The following SUGP2 variants were observed in gnomAD, a reference collection of about 807,000 sequenced individuals.
SUGP2 encodes the protein SURP and G-patch domain-containing protein 2.
A neutral mutation model predicts 90.5 loss-of-function variants in SUGP2; 24 were observed. The ratio of observed to expected loss-of-function variants is 0.27; its 90% confidence interval spans 0.19 to 0.37. SUGP2 has a LOEUF of 0.37. Ranked by LOEUF, SUGP2 falls within the 10% of genes least tolerant of loss-of-function variation. The pLI is 1.00. For missense variants in SUGP2, 1,233 were observed against 1,363.3 expected, an observed-to-expected ratio of 0.90 and a Z score of 1.51; for synonymous variants, 473 against 513.4, an observed-to-expected ratio of 0.92 and a Z score of 1.06.
intron 2 of SUGP2, among the ~76,000 whole-genome samples, chr19:19,030,229 C>T (rs567414728): frequency 1.3e-5 from 2 of 152,248 alleles, no homozygotes; most frequent in African/African-American, 4.8e-5. Flanking sequence ...GTGGCTCATG[C>T]CTGTAATCCC....
intron 7 of SUGP2, among the ~76,000 whole-genome samples, chr19:19,002,128 C>A (rs1055027995): frequency 6.6e-6 from 1 of 152,142 alleles, no homozygotes; most frequent in African/African-American, 2.4e-5. Context: ...GCCTGTAATC[C>A]CATCACTTTG....
intron 3 of SUGP2, among the ~76,000 whole-genome samples, chr19:19,019,670 G>C (rs1012256874): frequency 1.3e-5 from 2 of 151,460 alleles, no homozygotes; most frequent in Admixed American, 6.6e-5. Flanking sequence ...TGGATACATA[G>C]AAAGAAGACT....
chr19:19,021,754 C>G (rs1018026212), intron 3 of SUGP2, among the ~76,000 whole-genome samples: 1 of 151,744 alleles, frequency 6.6e-6, no homozygotes, highest in South Asian at 2.1e-4. Flanking sequence ...GCAACCTCCA[C>G]TTCCCAAGTT....
intron 1 of SUGP2, among the ~76,000 whole-genome samples, chr19:19,031,824 C>CTT (rs374873309): frequency 0.041 from 5,703 of 138,040 alleles, 111 homozygotes; most frequent in African/African-American, 0.049. Context: ...TTTTATTTAT[C>CTT]TTTTTTTTTT....
intron 8 of SUGP2, among the ~76,000 whole-genome samples, chr19:19,000,287 G>A (rs1046183526): frequency 6.6e-6 from 1 of 152,234 alleles, no homozygotes; most frequent in Admixed American, 6.5e-5. Context: ...ATCTGCAAGA[G>A]AGACCTCCCT....
chr19:19,011,305 G>T (rs774927784), intron 4 of SUGP2, among the ~76,000 whole-genome samples: 1 of 151,384 alleles, frequency 6.6e-6, no homozygotes, highest in Admixed American at 6.6e-5. Flanking sequence ...GCACCACCAC[G>T]CCTGGCTAAT....
intron 4 of SUGP2, among the ~76,000 whole-genome samples, chr19:19,012,460 C>T (rs2058344756): frequency 6.6e-6 from 1 of 152,194 alleles, no homozygotes; most frequent in Non-Finnish European, 1.5e-5. Context: ...ATGCATCTCC[C>T]AAGTTCCAGT....
intron 4 of SUGP2, among the ~76,000 whole-genome samples, chr19:19,017,892 G>A (rs1202526293): frequency 6.6e-6 from 1 of 151,446 alleles, no homozygotes; most frequent in Non-Finnish European, 1.5e-5. Flanking sequence ...CTGCCAGAAA[G>A]GTAGGCAGAA....
rs551361656 is a variant in SUGP2, at chr19:19,002,002, T to C, written c.2930-328A>G. Among the ~76,000 whole-genome samples the C allele has an allele frequency of 5.3e-5, 8 of 152,346 alleles. No homozygotes were observed. The South Asian group carries it at 1.7e-3, about 32-fold the overall frequency. On this transcript the variant is annotated intron_variant, in intron 7 of 10. Transcript: ENST00000452918. ...GATCCAATACATGGATTATTTTCCATGACTACAGAAATATATTTTGCTTCA... is the reference window on the plus strand; with the variant it reads ...GATCCAATACATGGATTATTTTCCACGACTACAGAAATATATTTTGCTTCA...
At position 19,025,419 on chromosome 19, in the gene SUGP2, G is replaced by A. The variant is rs199562381; in HGVS notation, c.929C>T (p.Pro310Leu). The change falls in exon 3 of 11, where the codon CCC becomes CTC. Residue 310 changes from proline to leucine, a missense_variant. By Grantham distance (98) the Pro-to-Leu change is moderately conservative. Coordinates refer to ENST00000452918, the MANE Select transcript of SUGP2 (RefSeq NM_001017392.5). ...GATGTCAAAGCTCATCTTTCTTCTGGGGAGCCGAAGATTCTTCAGATCCAG... is the reference window on the plus strand; with the variant it reads ...GATGTCAAAGCTCATCTTTCTTCTGAGGAGCCGAAGATTCTTCAGATCCAG... Reference protein sequence around the residue: ...LGLDLKNLRLPRRKMSFDIID... With the variant: ...LGLDLKNLRLLRRKMSFDIID... The A allele has an allele frequency of 8.7e-6, 14 of 1,614,046 alleles. No individual in the cohort carries two copies. Among genetic ancestry groups the A allele is most frequent in the Middle Eastern group, 1.6e-4 (1 of 6,062 alleles).
intron 3 of SUGP2, 85 bp downstream of exon 3, chr19:19,024,534 C>T (rs930990186): frequency 6.8e-7 from 1 of 1,471,436 alleles, no homozygotes; most frequent in Non-Finnish European, 9.1e-7. Flanking sequence ...GGCTAAAGAA[C>T]TTCTGTGTAA....
intron 3 of SUGP2, among the ~76,000 whole-genome samples, chr19:19,022,918 G>A (rs982567759): frequency 6.6e-6 from 1 of 152,160 alleles, no homozygotes; most frequent in African/African-American, 2.4e-5. Context: ...AAACCACATC[G>A]TGGGAAAAGT....
chr19:18,999,267 CCA>C (rs752330466), intron 8 of SUGP2, among the ~76,000 whole-genome samples: 9 of 152,248 alleles, frequency 5.9e-5, no homozygotes, highest in East Asian at 1.9e-4. Context: ...TCCCTTCCAC[CCA>C]CAGTCACTGG....
Position 19,026,168 on chromosome 19 carries a change from A to C in SUGP2, c.180T>G (p.Asp60Glu). The C allele has an allele frequency of 6.2e-7, 1 of 1,613,606 alleles. No homozygotes were observed. The highest frequency in any genetic ancestry group is 8.5e-7 in the Non-Finnish European group (1 of 1,179,904). Residue 60 changes from aspartate (D) to glutamate (E), a missense_variant, in exon 3 of 11, where the codon GAT (aspartate) becomes GAG (glutamate). Asp to Glu is a conservative substitution (Grantham distance 45). Around this residue, in one of 8 missense-constraint regions of SUGP2, gnomAD observed 418 missense variants for 399.9 expected, o/e 1.05. Coordinates refer to ENST00000452918, the MANE Select transcript of SUGP2 (RefSeq NM_001017392.5). ...RAEMYDDVHS[D>E]GRYSLSGSVA... is the part of the protein sequence containing the mutation. ...CAGATCCACTGAGGGAGTATCTGCC[A>C]TCGCTGTGGACGTCATCATACATCT...
intron 8 of SUGP2, among the ~76,000 whole-genome samples, chr19:18,996,476 C>T (rs1299777323): frequency 6.6e-6 from 1 of 151,974 alleles, no homozygotes; most frequent in Non-Finnish European, 1.5e-5. Flanking sequence ...GTCTCGGATT[C>T]CCGGCTTTAA....
rs1416658817 is a variant in SUGP2, at chr19:19,031,073, T to C, written c.-2A>G. ...CTGTGTAATTCGTCTGGCTGCCATGTTATTTTGCCCTATGGTGAGAGAGAA... is the reference window on the plus strand; with the variant it reads ...CTGTGTAATTCGTCTGGCTGCCATGCTATTTTGCCCTATGGTGAGAGAGAA... On this transcript the variant is annotated 5_prime_UTR_variant, in exon 2 of 11. Transcript: ENST00000452918. The C allele has an allele frequency of 6.2e-7, 1 of 1,612,030 alleles. No homozygotes were observed. Among genetic ancestry groups the C allele is most frequent in the South Asian group, 1.1e-5 (1 of 90,610 alleles).
At chr19:19,009,178 G>A (rs2058205494) in intron 5 of SUGP2, among the ~76,000 whole-genome samples, 1 of 152,198 alleles carries the variant, frequency 6.6e-6, no homozygotes. Flanking sequence ...CTCCCAAAGT[G>A]CTGGGATTAC....
At chr19:18,994,784 A>G in intron 9 of SUGP2, 1 of 527,694 alleles carries the variant, frequency 1.9e-6, no homozygotes, top group South Asian at 2.2e-5. Flanking sequence ...GGGGTTTAAT[A>G]AACTTTGGGC....
Position 19,008,305 on chromosome 19 carries a change from G to T in SUGP2, c.2450+12C>A, listed in dbSNP as rs190164285. The T allele has an allele frequency of 1.9e-5, 31 of 1,600,452 alleles. No individual in the cohort carries two copies. The highest frequency in any genetic ancestry group is 2.5e-5 in the Non-Finnish European group (29 of 1,167,680). On this transcript the variant is annotated intron_variant, in intron 6 of 10. Coordinates refer to ENST00000452918, the MANE Select transcript of SUGP2 (RefSeq NM_001017392.5). Reference sequence around the variant, plus strand: ...AAGAAAAAGGTGTGATGAGACCCGGGGGGGTACGTACCACAGGTCAGGGTT... The same window carrying T: ...AAGAAAAAGGTGTGATGAGACCCGGTGGGGTACGTACCACAGGTCAGGGTT...
Sources: allele counts gnomAD v4.1 joint callset (sites outside exome capture counted in the v4.1 genomes callset), GRCh38; gene constraint gnomAD v4.1.1; regional missense constraint gnomAD v4.1.1; transcripts MANE v1.5; gene names NCBI Gene and HGNC (gene_info 2026-07-23, HGNC 2026-07-21).